The following HNRNPD variants were observed in gnomAD, a reference collection of about 807,000 sequenced individuals.
The protein encoded by HNRNPD is heterogeneous nuclear ribonucleoprotein D.
HNRNPD carries 3 observed loss-of-function variants against 47.9 expected under a neutral mutation model. That is an observed-to-expected ratio of 0.06 (90% CI 0.03 to 0.16). The LOEUF is 0.16. HNRNPD is among the 10% of genes least tolerant of loss of function. HNRNPD has a pLI of 1.00. For synonymous variants in HNRNPD, 171 were observed against 165.1 expected (o/e 1.04, Z -0.28); for missense variants, 287 against 454.2 (o/e 0.63, Z 3.35).
chr4:82,358,621 A>G, intron 4 of HNRNPD, 38 bp downstream of exon 4: 2 of 1,576,152 alleles, frequency 1.3e-6, no homozygotes, highest in Non-Finnish European at 1.7e-6. Flanking sequence ...ATTCACACTA[A>G]TTTTGACATA....
At position 82,358,595 on chromosome 4, in the gene HNRNPD, A is replaced by G. The variant is rs568936697; in HGVS notation, c.621+64T>C. On this transcript the variant is annotated intron_variant, in intron 4 of 8. Coordinates refer to ENST00000313899, the MANE Select transcript of HNRNPD (RefSeq NM_031370.3). ...TGAAAAGCCAAGTGACTCTGAGTCCATAATGGGACAATCACATTCACACTA... is the reference window on the plus strand; with the variant it reads ...TGAAAAGCCAAGTGACTCTGAGTCCGTAATGGGACAATCACATTCACACTA... The G allele has an allele frequency of 2.3e-5, 33 of 1,439,808 alleles. No homozygotes were observed. The Admixed American group carries it at 6.7e-4, about 29-fold the overall frequency. The allele number at this position is 1,439,808 out of a possible 1,614,324, so 89.2% of individuals were successfully genotyped here.
intron 7 of HNRNPD, chr4:82,355,632 A>C: frequency 1.8e-6 from 1 of 549,814 alleles, no homozygotes. Context: ...AAAATGGGAG[A>C]CAATCCCCTC....
At position 82,373,311 on chromosome 4, in the gene HNRNPD, G is replaced by C. The variant is rs936590340; in HGVS notation, c.233+135C>G. The C allele has an allele frequency of 9.2e-6, 11 of 1,199,216 alleles. No homozygotes were observed. The East Asian group carries it at 1.8e-4, about 20-fold the overall frequency. 74.3% of individuals were successfully genotyped at this position (1,199,216 alleles called of 1,614,324 possible). Reference sequence around the variant, plus strand: ...GTCCGGGGAACCCAACATAGAAAAAGGGAGACCAGTGCAAGGAGGCTGCAT... The same window carrying C: ...GTCCGGGGAACCCAACATAGAAAAACGGAGACCAGTGCAAGGAGGCTGCAT... On this transcript the variant is annotated intron_variant, in intron 1 of 8. Coordinates refer to ENST00000313899, the MANE Select transcript of HNRNPD (RefSeq NM_031370.3).
intron 2 of HNRNPD, among the ~76,000 whole-genome samples, chr4:82,360,177 T>C (rs1186072341): frequency 1.3e-5 from 2 of 152,102 alleles, no homozygotes; most frequent in Non-Finnish European, 1.5e-5. Context: ...TAAGAGTCCT[T>C]AAGACAAAAG....
At chr4:82,361,844 A>AGTATG (rs1560435820) in intron 2 of HNRNPD, among the ~76,000 whole-genome samples, 1 of 152,196 alleles carries the variant, frequency 6.6e-6, no homozygotes, top group Non-Finnish European at 1.5e-5. Flanking sequence ...CCCCACCTTT[A>AGTATG]GTATGGTAGT....
In HNRNPD at chr4:82,353,345, CT is replaced by C. The variant is rs1417160880; in HGVS notation, c.*839del. ...ACACACATAAACACGGTATATATTT[CT>C]TTAATCCTCCCTCAACACTTGAATT... On this transcript the variant is annotated 3_prime_UTR_variant, in exon 9 of 9. Coordinates refer to ENST00000313899, the MANE Select transcript of HNRNPD (RefSeq NM_031370.3). 6.6e-6 allele frequency: 1 copy of C among 152,114 alleles called. No homozygotes were observed. The highest frequency in any genetic ancestry group is 1.5e-5 in the Non-Finnish European group (1 of 67,984). 9.4% of individuals were successfully genotyped at this position (152,114 alleles called of 1,614,324 possible).
chr4:82,373,408 T>G, intron 1 of HNRNPD, 38 bp downstream of exon 1: 8 of 1,541,126 alleles, frequency 5.2e-6, no homozygotes, highest in Non-Finnish European at 7.0e-6. Flanking sequence ...GGAGGGGGAC[T>G]AGTTGGGCCT....
intron 2 of HNRNPD, among the ~76,000 whole-genome samples, chr4:82,370,981 T>TACACACACACACACACACAC (rs1553896641): frequency 1.3e-5 from 2 of 149,354 alleles, no homozygotes; most frequent in African/African-American, 4.9e-5. Context: ...GGTATATATA[T>TACACACACACACACACACAC]ACACACACAC....
intron 2 of HNRNPD, among the ~76,000 whole-genome samples, chr4:82,364,681 A>C (rs1389718880): frequency 6.6e-6 from 1 of 152,238 alleles, no homozygotes; most frequent in Non-Finnish European, 1.5e-5. Context: ...ACTAAAAATT[A>C]GGTGGTATTT....
At chr4:82,362,809 A>G (rs1273101131) in intron 2 of HNRNPD, among the ~76,000 whole-genome samples, 1 of 152,132 alleles carries the variant, frequency 6.6e-6, no homozygotes, top group Non-Finnish European at 1.5e-5. Flanking sequence ...CTCGTTGGCC[A>G]GGCTGGTCTT....
At chr4:82,364,701 C>A (rs982633255) in intron 2 of HNRNPD, among the ~76,000 whole-genome samples, 1 of 152,114 alleles carries the variant, frequency 6.6e-6, no homozygotes, top group Non-Finnish European at 1.5e-5. Context: ...TCAACTAAGA[C>A]CCTTTAAATG....
chr4:82,364,024 T>C (rs1016545220), intron 2 of HNRNPD, among the ~76,000 whole-genome samples: 9 of 152,204 alleles, frequency 5.9e-5, no homozygotes, highest in African/African-American at 2.2e-4. Flanking sequence ...TCTCCCAGGC[T>C]GGAGTGCACT....
chr4:82,373,683 C>G lies in HNRNPD; in HGVS notation c.-5G>C. 2 of 1,500,796 alleles carry G rather than the reference C, an allele frequency of 1.3e-6. No individual in the cohort carries two copies. Among genetic ancestry groups the G allele is most frequent in the Non-Finnish European group, 1.8e-6 (2 of 1,132,058 alleles). The allele number at this position is 1,500,796 out of a possible 1,614,324, so 93.0% of individuals were successfully genotyped here. On this transcript the variant is annotated 5_prime_UTR_variant, in exon 1 of 9. Coordinates refer to ENST00000313899, the MANE Select transcript of HNRNPD (RefSeq NM_031370.3). Reference sequence around the variant, plus strand: ...GCCGAACTGCTCCTCCGACATAGTGCTAGTGTCTCCGCCGCTGCCGCCGAG... The same window carrying G: ...GCCGAACTGCTCCTCCGACATAGTGGTAGTGTCTCCGCCGCTGCCGCCGAG...
At position 82,356,524 on chromosome 4, in the gene HNRNPD, G is replaced by A. The variant is rs776964103; in HGVS notation, c.1000+13C>T. On this transcript the variant is annotated intron_variant, in intron 7 of 8. Coordinates refer to ENST00000313899, the MANE Select transcript of HNRNPD (RefSeq NM_031370.3). ...TGTCAAATAGCAGTTAATATAAAAA[G>A]TATAGTACTTACTGCTATAATCACC... is the stretch of plus-strand genomic sequence containing the variant. 3 of 1,585,206 alleles carry A rather than the reference G, an allele frequency of 1.9e-6. No homozygotes were observed. The highest frequency in any genetic ancestry group is 2.7e-5 in the African/African-American group (2 of 74,348).
chr4:82,373,819 G>A lies in HNRNPD; in HGVS notation c.-141C>T, dbSNP rs1440747907. The A allele has an allele frequency of 3.4e-6, 5 of 1,486,074 alleles. No individual in the cohort carries two copies. Among genetic ancestry groups the A allele is most frequent in the Non-Finnish European group, 4.5e-6 (5 of 1,120,116 alleles). 92.1% of individuals were successfully genotyped at this position (1,486,074 alleles called of 1,614,324 possible). ...ACAAGACAGGGAAGGCGCGCGCGTG[G>A]CTGCAAAGGCTCCTGCGCCTCTCCC... On this transcript the variant is annotated 5_prime_UTR_variant, in exon 1 of 9. Coordinates refer to ENST00000313899, the MANE Select transcript of HNRNPD (RefSeq NM_031370.3).
chr4:82,366,561 A>C (rs1310678607), intron 2 of HNRNPD, among the ~76,000 whole-genome samples: 2 of 151,778 alleles, frequency 1.3e-5, no homozygotes, highest in African/African-American at 4.8e-5. Context: ...CAGTTTTTTA[A>C]ATAAACTTTT....
At chr4:82,357,044 A>G in intron 5 of HNRNPD, 149 bp from the exon 6 acceptor site, 1 of 722,544 alleles carries the variant, frequency 1.4e-6, no homozygotes, top group East Asian at 2.6e-5. Flanking sequence ...ACCAATATTT[A>G]GTACTTAAGA....
At chr4:82,366,267 A>G (rs34691026) in intron 2 of HNRNPD, among the ~76,000 whole-genome samples, 27,968 of 152,178 alleles carry the variant, frequency 0.18, 2,841 homozygotes, top group Non-Finnish European at 0.23. Context: ...GGAGGGGGAC[A>G]GAGTCTCGCT....
chr4:82,366,076 G>T (rs908797699), intron 2 of HNRNPD, among the ~76,000 whole-genome samples: 2 of 152,052 alleles, frequency 1.3e-5, no homozygotes, highest in African/African-American at 4.8e-5. Flanking sequence ...CATTTTCAAG[G>T]TAAGTGTGAA....
Sources: gnomAD v4.1 joint callset for allele counts (sites outside exome capture counted in the v4.1 genomes callset) on GRCh38, gnomAD v4.1.1 for gene constraint, MANE v1.5 for transcripts, NCBI Gene and HGNC (gene_info 2026-07-23, HGNC 2026-07-21) for gene names.